Variants in FAIM2 observed in about 807,000 individuals in gnomAD.
The protein encoded by FAIM2 is Fas apoptotic inhibitory molecule 2.
Under a neutral mutation model 47.4 loss-of-function variants are expected in FAIM2, and 27 were observed. That is an observed-to-expected ratio of 0.57 (90% CI 0.42 to 0.78). The LOEUF is 0.78. FAIM2 is among the 30% of genes least tolerant of loss of function. The pLI is 0.00. For missense variants in FAIM2, 311 were observed against 389.4 expected (o/e 0.80, Z 1.69); for synonymous variants, 156 against 159.3 (o/e 0.98, Z 0.16).
In FAIM2 at chr12:49,897,078, AG is replaced by A. The variant is rs1946942966; in HGVS notation, c.386del (p.Pro129LeufsTer25). 6.2e-7 allele frequency: 1 copy of A among 1,613,290 alleles called. No homozygotes were observed. The highest frequency in any genetic ancestry group is 1.3e-5 in the African/African-American group (1 of 74,898). ...AVVALFTFCD[P>X]VKDYVQANPG... ...GGTTGGCCTGGACATAGTCCTTGAC[AG>A]GGTCACTGCAGAGAAGAGAGAGTGG... is the stretch of plus-strand genomic sequence containing the variant. On this transcript the variant is annotated frameshift_variant, in exon 5 of 12. Transcript: ENST00000320634. LOFTEE classifies it high-confidence loss of function.
chr12:49,873,275 T>G (rs1946715008), intron 11 of FAIM2, among the ~76,000 whole-genome samples: 3 of 152,162 alleles, frequency 2.0e-5, no homozygotes, highest in African/African-American at 7.2e-5. Context: ...AGTGGGATAG[T>G]AGCAATGCCC....
At chr12:49,882,776 T>A (rs1946835161) in intron 11 of FAIM2, among the ~76,000 whole-genome samples, 1 of 152,166 alleles carries the variant, frequency 6.6e-6, no homozygotes, top group African/African-American at 2.4e-5. Flanking sequence ...GATCTGTTCA[T>A]GCCACAAACA....
intron 11 of FAIM2, among the ~76,000 whole-genome samples, chr12:49,878,033 TG>T (rs1411688688): frequency 6.8e-6 from 1 of 146,558 alleles, no homozygotes; most frequent in African/African-American, 2.6e-5. Context: ...AGTGTGGGTA[TG>T]TGTATGCATG....
At chr12:49,898,223 C>T (rs886644681) in intron 2 of FAIM2, 133 bp from the exon 3 acceptor site, 1 of 670,118 alleles carries the variant, frequency 1.5e-6, no homozygotes, top group Non-Finnish European at 2.7e-6. Context: ...TCTCCTGCCC[C>T]ATTATCAAAC....
intron 5 of FAIM2, among the ~76,000 whole-genome samples, chr12:49,894,317 C>T (rs551411426): frequency 2.6e-5 from 4 of 152,188 alleles, no homozygotes; most frequent in Non-Finnish European, 4.4e-5. Context: ...CCACCTCCAC[C>T]CAGCTCTGGT....
At chr12:49,900,298 C>T in intron 2 of FAIM2, 1 of 1,059,892 alleles carries the variant, frequency 9.4e-7, no homozygotes, top group Non-Finnish European at 1.2e-6. Context: ...GAGATCTCTT[C>T]TAGAATCCTG....
chr12:49,882,714 C>T (rs1215343344), intron 11 of FAIM2, among the ~76,000 whole-genome samples: 1 of 152,166 alleles, frequency 6.6e-6, no homozygotes, highest in East Asian at 1.9e-4. Flanking sequence ...CTCTGCCTTG[C>T]TCTGATTGTA....
intron 4 of FAIM2, 52 bp from the exon 5 acceptor site, chr12:49,897,136 A>C: frequency 7.0e-7 from 1 of 1,432,374 alleles, no homozygotes; most frequent in Non-Finnish European, 9.9e-7. Context: ...CTAGGTCTCC[A>C]TTTCTGGTTC....
At chr12:49,893,060 T>C (rs1946911506) in intron 5 of FAIM2, among the ~76,000 whole-genome samples, 1 of 152,164 alleles carries the variant, frequency 6.6e-6, no homozygotes, top group African/African-American at 2.4e-5. Context: ...TACCACCCTT[T>C]GAGGTCAGGG....
At chr12:49,871,645 AT>A (rs1379277015) in intron 11 of FAIM2, among the ~76,000 whole-genome samples, 2 of 149,904 alleles carry the variant, frequency 1.3e-5, no homozygotes, top group African/African-American at 2.5e-5. Flanking sequence ...TGGGATTGGA[AT>A]TTTTTTTCTT....
chr12:49,896,212 G>T (rs1257254433), intron 5 of FAIM2, among the ~76,000 whole-genome samples: 2 of 152,192 alleles, frequency 1.3e-5, no homozygotes, highest in Non-Finnish European at 2.9e-5. Context: ...TGGGCTCACA[G>T]TGAGCGCGAG....
At chr12:49,901,593 C>A (rs1946982764) in intron 1 of FAIM2, 1 of 348,044 alleles carries the variant, frequency 2.9e-6, no homozygotes, top group Non-Finnish European at 5.1e-6. Flanking sequence ...TTGGTTGTCA[C>A]TGTCATTGTC....
At chr12:49,897,628 G>A (rs71464981) in intron 3 of FAIM2, 45 bp from the exon 4 acceptor site, 163 of 1,463,790 alleles carry the variant, frequency 1.1e-4, no homozygotes, top group Non-Finnish European at 1.5e-4. Flanking sequence ...GCCCTGTTAG[G>A]GACCTGTCAG....
At chr12:49,896,552 T>G (rs1438204802) in intron 5 of FAIM2, among the ~76,000 whole-genome samples, 1 of 152,230 alleles carries the variant, frequency 6.6e-6, no homozygotes, top group Admixed American at 6.5e-5. Context: ...ACCCAGTAGA[T>G]GTGAGGACCG....
chr12:49,897,442 G>A, intron 4 of FAIM2, 77 bp downstream of exon 4: 2 of 1,353,268 alleles, frequency 1.5e-6, no homozygotes, highest in South Asian at 1.2e-5. Context: ...TCCAGCAGGA[G>A]TCTGATCATG....
rs144354032 is a variant in FAIM2 at position 49,880,458 on chromosome 12, A to ATGTG, written c.801+6924_801+6927dup. 2.5e-3 allele frequency among the ~76,000 whole-genome samples: 370 copies of ATGTG among 147,166 alleles called. 1 individual carries two copies. Among genetic ancestry groups the ATGTG allele is most frequent in the African/African-American group, 8.8e-3 (347 of 39,460 alleles). ...TGCATGTTTGTGTATGTGCATGTGT[A>ATGTG]TGTGTGTGTGCATGAGTGCATGTGT... is the stretch of plus-strand genomic sequence containing the variant. On this transcript the variant is annotated intron_variant, in intron 11 of 11. Coordinates refer to ENST00000320634, the MANE Select transcript of FAIM2 (RefSeq NM_012306.4).
At chr12:49,879,270 GTGTATATGTGTGTA>G (rs1946779229) in intron 11 of FAIM2, among the ~76,000 whole-genome samples, 1 of 64,934 alleles carries the variant, frequency 1.5e-5, no homozygotes, top group Non-Finnish European at 2.8e-5. Flanking sequence ...ATGTGTGCAT[GTGTATATGTGTGTA>G]TGTGTGTGGG....
chr12:49,869,149 T>C lies in FAIM2; in HGVS notation c.*1355A>G, dbSNP rs1285377853. The stretch of plus-strand genomic sequence containing the variant: ...ACATGCTGGCTGCACGCTCCCCCAG[T>C]GTGGCCTCCTGGTTCCCTCCCCACA... On this transcript the variant is annotated 3_prime_UTR_variant, in exon 12 of 12. Coordinates refer to ENST00000320634, the MANE Select transcript of FAIM2 (RefSeq NM_012306.4). 1.3e-5 allele frequency: 2 copies of C among 152,578 alleles called. No individual in the cohort carries two copies. The highest frequency in any genetic ancestry group is 2.9e-5 in the Non-Finnish European group (2 of 68,272). The allele number at this position is 152,578 out of a possible 1,614,324, so 9.5% of individuals were successfully genotyped here.
chr12:49,879,378 A>G (rs373511479), intron 11 of FAIM2, among the ~76,000 whole-genome samples: 1,979 of 144,608 alleles, frequency 0.014, 57 homozygotes, highest in African/African-American at 0.049. Flanking sequence ...ATGTGTGTAT[A>G]TGTGTATGTG....
Sources: allele counts gnomAD v4.1 joint callset (sites outside exome capture counted in the v4.1 genomes callset), GRCh38; gene constraint gnomAD v4.1.1; transcripts MANE v1.5; gene names NCBI Gene and HGNC (gene_info 2026-07-23, HGNC 2026-07-21).